The following SPOCK1 variants were observed in gnomAD, a reference collection of about 807,000 sequenced individuals.
SPOCK1 encodes the protein testican-1.
SPOCK1 carries 23 observed loss-of-function variants against 55.3 expected under a neutral mutation model. The observed-to-expected ratio is 0.42, with a 90% CI of 0.30 to 0.59. SPOCK1 has a LOEUF of 0.59. Among genes scored for constraint, SPOCK1 ranks in the 20% least tolerant of loss-of-function variants. The pLI is 0.22. For synonymous variants in SPOCK1, 226 were observed against 221.0 expected (o/e 1.02, Z -0.20); for missense variants, 499 against 552.5 (o/e 0.90, Z 0.97).
chr5:137,097,194 G>C (rs114901080), intron 5 of SPOCK1, among the ~76,000 whole-genome samples: 3 of 152,148 alleles, frequency 2.0e-5, no homozygotes, highest in Non-Finnish European at 4.4e-5. Context: ...TGGCCACTGG[G>C]GGGTAGACTC....
At chr5:137,165,000 C>T (rs1754620777) in intron 3 of SPOCK1, among the ~76,000 whole-genome samples, 1 of 152,230 alleles carries the variant, frequency 6.6e-6, no homozygotes, top group Admixed American at 6.5e-5. Context: ...ACTCGCCACC[C>T]TAAAGGGAAG....
intron 6 of SPOCK1, among the ~76,000 whole-genome samples, chr5:137,028,534 G>T (rs1307224350): frequency 6.6e-6 from 1 of 152,112 alleles, no homozygotes; most frequent in Non-Finnish European, 1.5e-5. Flanking sequence ...GTGTTGTTGG[G>T]GATGTTATCC....
chr5:137,328,733 G>T lies in SPOCK1; in HGVS notation c.187-61678C>A, dbSNP rs546175618. ...CCTGCTGAGATAGCTGAAGCTTAGA[G>T]AGGCTAGGAGACATGCCAGGATCAC... On this transcript the variant is annotated intron_variant, in intron 2 of 10. Coordinates refer to ENST00000394945, the MANE Select transcript of SPOCK1 (RefSeq NM_004598.4). 3.2e-4 allele frequency among the ~76,000 whole-genome samples: 48 copies of T among 152,214 alleles called. 1 individual carries two copies. Among genetic ancestry groups the T allele is most frequent in the Non-Finnish European group, 6.2e-4 (42 of 68,044 alleles).
chr5:137,282,115 C>G (rs1364378307), intron 2 of SPOCK1, among the ~76,000 whole-genome samples: 2 of 152,142 alleles, frequency 1.3e-5, no homozygotes. Flanking sequence ...TGCCAAACAC[C>G]CAGCGCATAG....
intron 6 of SPOCK1, among the ~76,000 whole-genome samples, chr5:137,064,089 C>G (rs917129690): frequency 1.3e-5 from 2 of 152,062 alleles, no homozygotes; most frequent in Non-Finnish European, 2.9e-5. Context: ...GAGTACAGGT[C>G]TCTCGGTAGA....
At chr5:136,997,808 C>A (rs1159105520) in intron 6 of SPOCK1, among the ~76,000 whole-genome samples, 1 of 152,166 alleles carries the variant, frequency 6.6e-6, no homozygotes, top group Non-Finnish European at 1.5e-5. Context: ...TGATAGCATT[C>A]ATAACACCCA....
chr5:137,007,997 G>C (rs1309515974), intron 6 of SPOCK1, among the ~76,000 whole-genome samples: 1 of 151,994 alleles, frequency 6.6e-6, no homozygotes, highest in Non-Finnish European at 1.5e-5. Context: ...CAGGGACATG[G>C]ATGAAGCTGG....
chr5:137,090,573 C>T (rs1328527659), intron 5 of SPOCK1, among the ~76,000 whole-genome samples: 1 of 152,210 alleles, frequency 6.6e-6, no homozygotes, highest in African/African-American at 2.4e-5. Context: ...CCACACCCCT[C>T]ACCTCACAGC....
chr5:137,275,112 A>G (rs1365062614), intron 2 of SPOCK1, among the ~76,000 whole-genome samples: 3 of 152,250 alleles, frequency 2.0e-5, no homozygotes, highest in Admixed American at 2.0e-4. Context: ...AGGAACCCTG[A>G]AAGGGTATGT....
intron 3 of SPOCK1, among the ~76,000 whole-genome samples, chr5:137,259,033 A>G (rs1756694689): frequency 6.6e-6 from 1 of 152,166 alleles, no homozygotes. Context: ...GCAGGAAGAA[A>G]CGCTCTTTGT....
chr5:137,243,029 C>A (rs1052414834), intron 3 of SPOCK1, among the ~76,000 whole-genome samples: 1 of 151,988 alleles, frequency 6.6e-6, no homozygotes, highest in African/African-American at 2.4e-5. Context: ...CATTCCTGAA[C>A]CAACTGAATT....
At chr5:137,352,399 C>T (rs933477171) in intron 2 of SPOCK1, among the ~76,000 whole-genome samples, 6 of 152,234 alleles carry the variant, frequency 3.9e-5, no homozygotes, top group African/African-American at 1.2e-4. Flanking sequence ...CACCGTGCCT[C>T]ACCTCAAGGT....
intron 5 of SPOCK1, among the ~76,000 whole-genome samples, chr5:137,093,088 TTGA>T (rs763957418): frequency 4.6e-5 from 7 of 152,344 alleles, no homozygotes; most frequent in Non-Finnish European, 8.8e-5. Flanking sequence ...GGGCAGAGTC[TTGA>T]TGATCCAGTC....
chr5:136,986,116 G>A (rs1279834193), intron 8 of SPOCK1, among the ~76,000 whole-genome samples: 3 of 152,152 alleles, frequency 2.0e-5, no homozygotes, highest in African/African-American at 7.2e-5. Context: ...GAAACTGCTT[G>A]TAAAATACAT....
intron 2 of SPOCK1, among the ~76,000 whole-genome samples, chr5:137,347,828 G>C (rs567068086): frequency 4.6e-5 from 7 of 152,004 alleles, no homozygotes; most frequent in African/African-American, 7.3e-5. Flanking sequence ...CAGGCGTAAC[G>C]TGATGGCTCC....
intron 3 of SPOCK1, among the ~76,000 whole-genome samples, chr5:137,165,092 G>T (rs1754622283): frequency 6.6e-6 from 1 of 152,168 alleles, no homozygotes; most frequent in Admixed American, 6.5e-5. Flanking sequence ...GCCAGGAAGT[G>T]GTTACAGTAG....
chr5:137,111,263 A>G (rs1182844708), intron 5 of SPOCK1, among the ~76,000 whole-genome samples: 1 of 152,118 alleles, frequency 6.6e-6, no homozygotes, highest in African/African-American at 2.4e-5. Flanking sequence ...CCCAGCAGAA[A>G]GGCCCAAGAA....
intron 3 of SPOCK1, among the ~76,000 whole-genome samples, chr5:137,213,772 G>T (rs1211568404): frequency 6.6e-6 from 1 of 152,210 alleles, no homozygotes; most frequent in African/African-American, 2.4e-5. Flanking sequence ...ACACCTGGGA[G>T]AATGGTTATT....
At chr5:137,405,910 C>T (rs921339183) in intron 2 of SPOCK1, among the ~76,000 whole-genome samples, 1 of 151,992 alleles carries the variant, frequency 6.6e-6, no homozygotes, top group Non-Finnish European at 1.5e-5. Flanking sequence ...GGCCGAGTCT[C>T]CACCTCTCCT....
Sources: allele counts gnomAD v4.1 joint callset (sites outside exome capture counted in the v4.1 genomes callset), GRCh38; gene constraint gnomAD v4.1.1; transcripts MANE v1.5; gene names NCBI Gene and HGNC (gene_info 2026-07-23, HGNC 2026-07-21).